Variants in SLC25A26 observed in about 807,000 individuals in gnomAD.
SLC25A26 encodes solute carrier family 25 member 26.
In SLC25A26, 36 loss-of-function variants were observed where a neutral mutation model predicts 37.8. The ratio of observed to expected loss-of-function variants is 0.95; its 90% CI spans 0.73 to 1.26. The LOEUF (loss-of-function observed/expected upper bound fraction) is 1.26. Ranked by LOEUF, SLC25A26 falls within the 50% of genes most tolerant of loss-of-function variation. SLC25A26 has a pLI of 0.00. For missense variants in SLC25A26, 390 were observed against 331.1 expected, an observed-to-expected ratio of 1.18 and a Z score of -1.38; for synonymous variants, 129 against 122.5, an observed-to-expected ratio of 1.05 and a Z score of -0.35.
intron 5 of SLC25A26, among the ~76,000 whole-genome samples, chr3:66,277,613 CTTTA>C (rs898204907): frequency 3.9e-5 from 6 of 151,966 alleles, no homozygotes; most frequent in Non-Finnish European, 5.9e-5. Flanking sequence ...TATATATAAT[CTTTA>C]TTTGTCATTT....
At chr3:66,291,272 A>C (rs1490258166) in intron 5 of SLC25A26, among the ~76,000 whole-genome samples, 5 of 151,982 alleles carry the variant, frequency 3.3e-5, no homozygotes. Flanking sequence ...CTCCTAAATT[A>C]ATTGTGTTTT....
chr3:66,234,893 G>C (rs1411599270), intron 1 of SLC25A26, among the ~76,000 whole-genome samples: 2 of 152,070 alleles, frequency 1.3e-5, no homozygotes, highest in African/African-American at 4.8e-5. Context: ...TATTTACATG[G>C]TTCTGATTTC....
intron 5 of SLC25A26, among the ~76,000 whole-genome samples, chr3:66,283,099 T>C (rs6809500): frequency 0.011 from 1,715 of 152,330 alleles, 38 homozygotes; most frequent in African/African-American, 0.039. Flanking sequence ...GTTTATCCTT[T>C]GATCTATTGA....
At chr3:66,265,603 A>T (rs968110984) in intron 5 of SLC25A26, among the ~76,000 whole-genome samples, 12 of 152,230 alleles carry the variant, frequency 7.9e-5, no homozygotes, top group Non-Finnish European at 1.2e-4. Context: ...CCCAAATTTT[A>T]TTCTCAGGTA....
intron 5 of SLC25A26, among the ~76,000 whole-genome samples, chr3:66,288,536 C>A (rs921050362): frequency 1.3e-5 from 2 of 152,040 alleles, no homozygotes; most frequent in Admixed American, 1.3e-4. Context: ...TCAATGTGTT[C>A]TCATTGTTCA....
intron 1 of SLC25A26, among the ~76,000 whole-genome samples, chr3:66,194,890 C>A (rs1052741165): frequency 1.3e-5 from 2 of 152,194 alleles, no homozygotes; most frequent in Non-Finnish European, 2.9e-5. Context: ...CGTGAGACAC[C>A]GCGCCGGGCC....
At chr3:66,232,724 A>C (rs1283797235) in intron 1 of SLC25A26, among the ~76,000 whole-genome samples, 2 of 152,182 alleles carry the variant, frequency 1.3e-5, no homozygotes, top group African/African-American at 4.8e-5. Flanking sequence ...TGGGAGTTGG[A>C]GGGGCTCCAG....
At chr3:66,209,903 TATATATATATATA>T (rs2071258977) in intron 1 of SLC25A26, among the ~76,000 whole-genome samples, 2 of 16,616 alleles carry the variant, frequency 1.2e-4, no homozygotes, top group African/African-American at 5.0e-4. Context: ...TCTATTTATA[TATATATATATATA>T]TATATATATA....
chr3:66,202,275 A>G (rs2071121089), intron 1 of SLC25A26, among the ~76,000 whole-genome samples: 1 of 152,012 alleles, frequency 6.6e-6, no homozygotes, highest in African/African-American at 2.4e-5. Context: ...AAAACCAAAC[A>G]CCACATGTTC....
intron 7 of SLC25A26, among the ~76,000 whole-genome samples, chr3:66,366,955 A>C (rs1456876130): frequency 6.6e-6 from 1 of 152,254 alleles, no homozygotes; most frequent in Non-Finnish European, 1.5e-5. Context: ...TGCCTAGTGC[A>C]TTCCTGGCAT....
At chr3:66,292,725 A>C (rs11718151) in intron 5 of SLC25A26, among the ~76,000 whole-genome samples, 33,000 of 151,772 alleles carry the variant, frequency 0.22, 4,382 homozygotes, top group East Asian at 0.6. Context: ...TGCCCTTAAC[A>C]TTTTTTCCTT....
intron 1 of SLC25A26, among the ~76,000 whole-genome samples, chr3:66,225,699 A>T (rs540688730): frequency 2.1e-4 from 32 of 152,272 alleles, no homozygotes; most frequent in Non-Finnish European, 2.9e-4. Context: ...AATTTTCCAA[A>T]CTTTTATGCT....
intron 7 of SLC25A26, among the ~76,000 whole-genome samples, chr3:66,368,603 T>G (rs1173098402): frequency 2.0e-5 from 3 of 152,206 alleles, no homozygotes; most frequent in Non-Finnish European, 4.4e-5. Flanking sequence ...CTTTGCTCCT[T>G]TAATTCAAAG....
chr3:66,224,831 A>G (rs2071665559), intron 1 of SLC25A26, among the ~76,000 whole-genome samples: 1 of 152,232 alleles, frequency 6.6e-6, no homozygotes, highest in Non-Finnish European at 1.5e-5. Flanking sequence ...CACCCATTGC[A>G]AATGGGAGAG....
At chr3:66,336,011 A>G (rs1400335322) in intron 5 of SLC25A26, among the ~76,000 whole-genome samples, 1 of 152,120 alleles carries the variant, frequency 6.6e-6, no homozygotes, top group Non-Finnish European at 1.5e-5. Context: ...GCTTTTTATT[A>G]ATGTTTTTCA....
upstream of SLC25A26, among the ~76,000 whole-genome samples, chr3:66,216,547 C>T (rs1436126020): frequency 1.3e-5 from 2 of 151,478 alleles, no homozygotes; most frequent in Non-Finnish European, 2.9e-5. Context: ...ACAACAACAA[C>T]AAACAAAACA....
intron 1 of SLC25A26, among the ~76,000 whole-genome samples, chr3:66,177,774 C>A (rs2070614861): frequency 6.6e-6 from 1 of 152,184 alleles, no homozygotes; most frequent in South Asian, 2.1e-4. Context: ...CAACACTTTA[C>A]CGTAAATTTA....
rs1440481174 is a variant in SLC25A26 at position 66,168,177 on chromosome 3, G to GTATATATACGTGTATATATA, written c.-354+34194_-354+34195insATATATACGTGTATATATAT. On this transcript the variant is annotated intron_variant, in intron 1 of 10. Transcript: ENST00000676754. ...TCAAAAAAAATATATATATATATAT[G>GTATATATACGTGTATATATA]TGTGTGTGTATATATATATATATAC... is the stretch of plus-strand genomic sequence containing the variant. Among the ~76,000 whole-genome samples the GTATATATACGTGTATATATA allele has an allele frequency of 6.2e-3, 494 of 79,088 alleles. 10 individuals are homozygous for GTATATATACGTGTATATATA. Among genetic ancestry groups the GTATATATACGTGTATATATA allele is most frequent in the African/African-American group, 0.023 (450 of 19,514 alleles). 51.9% of individuals were successfully genotyped at this position (79,088 alleles called of 152,430 possible). A position where few individuals can be genotyped will look rare whatever the true frequency, so the allele number is the denominator to read the frequency against.
At chr3:66,366,261 T>C (rs2076822785) in intron 7 of SLC25A26, among the ~76,000 whole-genome samples, 1 of 152,220 alleles carries the variant, frequency 6.6e-6, no homozygotes, top group Admixed American at 6.5e-5. Flanking sequence ...CTGTTCCTTG[T>C]ATTTATTACC....
Sources: allele counts gnomAD v4.1 joint callset (sites outside exome capture counted in the v4.1 genomes callset), GRCh38; gene constraint gnomAD v4.1.1; transcripts MANE v1.5; gene names NCBI Gene and HGNC (gene_info 2026-07-23, HGNC 2026-07-21).